Variants in LAT2 observed in about 807,000 individuals in gnomAD.
LAT2 encodes the protein linker for activation of T-cells family member 2.
A neutral mutation model predicts 43.4 loss-of-function variants in LAT2; 23 were observed. That is an observed-to-expected ratio of 0.53 (90% confidence interval 0.38 to 0.75). The LOEUF (loss-of-function observed/expected upper bound fraction) is 0.75. Among genes scored for constraint, LAT2 ranks in the 30% least tolerant of loss-of-function variants. The pLI is 0.00. For missense variants in LAT2, 284 were observed against 310.2 expected (o/e 0.92, Z 0.64); for synonymous variants, 128 against 123.2 (o/e 1.04, Z -0.26).
At chr7:74,212,650 C>A (rs985700583) in intron 1 of LAT2, among the ~76,000 whole-genome samples, 25 of 152,270 alleles carry the variant, frequency 1.6e-4, no homozygotes, top group African/African-American at 6.0e-4. Flanking sequence ...ATGAGCCCTC[C>A]TGCAAGACAA....
In LAT2 at chr7:74,224,790, G is replaced by A. The variant is rs1488765746; in HGVS notation, c.*18+30G>A. 2.7e-6 allele frequency: 4 copies of A among 1,460,012 alleles called. No homozygotes were observed. The South Asian group carries it at 4.0e-5, about 15-fold the overall frequency. 90.4% of individuals were successfully genotyped at this position (1,460,012 alleles called of 1,614,324 possible). A position where few individuals can be genotyped will look rare whatever the true frequency, so the allele number is the denominator to read the frequency against. Reference sequence around the variant, plus strand: ...AGCCCCTGCTCTCCAGCTGCCGTGGGCCAAGGATTGGAGGTCTTGCCAAGC... The same window carrying A: ...AGCCCCTGCTCTCCAGCTGCCGTGGACCAAGGATTGGAGGTCTTGCCAAGC... On this transcript the variant is annotated intron_variant, in intron 13 of 13. Transcript: ENST00000460943.
intron 13 of LAT2, among the ~76,000 whole-genome samples, chr7:74,226,742 G>A (rs965647597): frequency 6.6e-6 from 1 of 152,150 alleles, no homozygotes; most frequent in African/African-American, 2.4e-5. Flanking sequence ...ACAGGGAAGC[G>A]GGGCAGGAAG....
intron 13 of LAT2, among the ~76,000 whole-genome samples, chr7:74,227,058 T>TC (rs1199664532): frequency 2.7e-5 from 4 of 148,492 alleles, no homozygotes; most frequent in Non-Finnish European, 3.0e-5. Flanking sequence ...GTTTTTTCTT[T>TC]TTTTTTTTTT....
intron 11 of LAT2, 23 bp from the exon 12 acceptor site, chr7:74,223,995 G>A (rs1802388436): frequency 6.2e-7 from 1 of 1,609,812 alleles, no homozygotes; most frequent in African/African-American, 1.3e-5. Flanking sequence ...GAGCCAAGGG[G>A]GGCCTATTCT....
At position 74,215,944 on chromosome 7, in the gene LAT2, C is replaced by T. The variant is rs782674976; in HGVS notation, c.-29-3C>T. The T allele has an allele frequency of 2.5e-6, 4 of 1,604,768 alleles. No homozygotes were observed. Among genetic ancestry groups the T allele is most frequent in the South Asian group, 2.2e-5 (2 of 90,894 alleles). On this transcript the variant is annotated splice_region_variant and splice_polypyrimidine_tract_variant and intron_variant, in intron 2 of 13. Coordinates refer to ENST00000460943, the MANE Select transcript of LAT2 (RefSeq NM_032464.3). ...CCTTGCTCACGGGCACCTCCCATTT[C>T]AGCATCACAAGAGGCAACACCAGGA...
At chr7:74,218,607 A>G (rs1376009799) in intron 4 of LAT2, among the ~76,000 whole-genome samples, 1 of 152,230 alleles carries the variant, frequency 6.6e-6, no homozygotes, top group African/African-American at 2.4e-5. Context: ...TATTGGAAAT[A>G]TCAACAACCT....
intron 4 of LAT2, among the ~76,000 whole-genome samples, chr7:74,218,648 C>A (rs1160773239): frequency 6.6e-6 from 1 of 152,162 alleles, no homozygotes; most frequent in African/African-American, 2.4e-5. Flanking sequence ...AGAGCTTAAT[C>A]CATGGCCACA....
In LAT2 at chr7:74,220,468, A is replaced by G; in HGVS notation, c.266-116A>G. On this transcript the variant is annotated intron_variant, in intron 7 of 13. Coordinates refer to ENST00000460943, the MANE Select transcript of LAT2 (RefSeq NM_032464.3). This position sits in a 1 kb window ranked among gnomAD's most constrained non-coding sequence, Gnocchi z 4.5. ...CACATGCCCCACTGAGGGGACAGGGAGCACTGCAAAGGCTCAGACACGGGA... is the reference window on the plus strand; with the variant it reads ...CACATGCCCCACTGAGGGGACAGGGGGCACTGCAAAGGCTCAGACACGGGA... 2 of 1,375,766 alleles carry G rather than the reference A, an allele frequency of 1.5e-6. No individual in the cohort carries two copies. Among genetic ancestry groups the G allele is most frequent in the Non-Finnish European group, 2.0e-6 (2 of 976,506 alleles). The allele number at this position is 1,375,766 out of a possible 1,614,324, so 85.2% of individuals were successfully genotyped here. A position where few individuals can be genotyped will look rare whatever the true frequency, so the allele number is the denominator to read the frequency against.
rs953235448 is a variant in LAT2, at chr7:74,211,550, C to T, written c.-219+1462C>T. Among the ~76,000 whole-genome samples, 8 of 152,002 alleles carry T rather than the reference C, an allele frequency of 5.3e-5. No homozygotes were observed. The East Asian group carries it at 1.2e-3, about 22-fold the overall frequency. The stretch of plus-strand genomic sequence containing the variant: ...TTGGCTCACTGCAAGCTCCACCTCC[C>T]GGGTACATGCCATTCTCCTGCCTCA... On this transcript the variant is annotated intron_variant, in intron 1 of 13. Coordinates refer to ENST00000460943, the MANE Select transcript of LAT2 (RefSeq NM_032464.3).
At chr7:74,223,971 G>A in intron 11 of LAT2, 47 bp from the exon 12 acceptor site, 2 of 1,584,790 alleles carry the variant, frequency 1.3e-6, no homozygotes, top group Middle Eastern at 1.9e-4. Context: ...GGCTCCTGGT[G>A]CCTCTGTGGG....
chr7:74,218,830 G>A (rs1554714575), intron 4 of LAT2, among the ~76,000 whole-genome samples: 1 of 152,126 alleles, frequency 6.6e-6, no homozygotes, highest in African/African-American at 2.4e-5. Flanking sequence ...CCGAGTAGCT[G>A]GGATTACAGG....
At position 74,216,075 on chromosome 7, in the gene LAT2, CG is replaced by C; in HGVS notation, c.94+11del. The C allele has an allele frequency of 1.2e-6, 2 of 1,603,446 alleles. No individual in the cohort carries two copies. ...TGTGCGCTGCTCACGCCCAGGTAAG[CG>C]GGGGTCTCGGGGACGTGATGGGGAG... On this transcript the variant is annotated splice_region_variant and intron_variant, in intron 3 of 13. Transcript: ENST00000460943.
intron 2 of LAT2, 93 bp from the exon 3 acceptor site, chr7:74,215,854 A>C: frequency 2.3e-6 from 2 of 862,914 alleles, no homozygotes; most frequent in Non-Finnish European, 3.9e-6. Flanking sequence ...TCCGCAGCCT[A>C]GGCTCAGGTA....
chr7:74,219,797 C>T lies in LAT2; in HGVS notation c.178+10C>T. ...TCCCGGACCTACTCCTGTGAGTCTC[C>T]AAGTGTCCCCGGGTTGGGCTCTGGG... On this transcript the variant is annotated intron_variant, in intron 5 of 13. Coordinates refer to ENST00000460943, the MANE Select transcript of LAT2 (RefSeq NM_032464.3). 1 of 1,614,024 alleles carries T rather than the reference C, an allele frequency of 6.2e-7. No homozygotes were observed.
In LAT2 at chr7:74,214,724, TATAA is replaced by T. The variant is rs1554713952; in HGVS notation, c.-218-94_-218-91del. The T allele has an allele frequency of 6.0e-4, 63 of 105,562 alleles. 2 individuals are homozygous for T. Among genetic ancestry groups the T allele is most frequent in the African/African-American group, 2.5e-3 (61 of 24,346 alleles). The allele number at this position is 105,562 out of a possible 1,614,324, so 6.5% of individuals were successfully genotyped here. A position where few individuals can be genotyped will look rare whatever the true frequency, so the allele number is the denominator to read the frequency against. ...AAATATATATAAATATATATAAAAA[TATAA>T]ATATATATAAAAATATATAAATATA... On this transcript the variant is annotated intron_variant, in intron 1 of 13. Transcript: ENST00000460943.
intron 2 of LAT2, among the ~76,000 whole-genome samples, 198 bp from the exon 3 acceptor site, chr7:74,215,749 C>T (rs1281791453): frequency 1.3e-5 from 2 of 152,112 alleles, no homozygotes; most frequent in Non-Finnish European, 2.9e-5. Context: ...GTGAAGATGG[C>T]CCACAGGGCA....
intron 1 of LAT2, among the ~76,000 whole-genome samples, chr7:74,211,989 G>C (rs1801751152): frequency 6.6e-6 from 1 of 152,136 alleles, no homozygotes; most frequent in East Asian, 1.9e-4. Context: ...TGTCACCCAG[G>C]CTGGAGTTCA....
At chr7:74,212,709 G>C (rs1204638874) in intron 1 of LAT2, among the ~76,000 whole-genome samples, 2 of 152,242 alleles carry the variant, frequency 1.3e-5, no homozygotes, top group African/African-American at 4.8e-5. Context: ...ATGCTGGAGG[G>C]GTTGGGGGTA....
At chr7:74,219,938 C>G in intron 5 of LAT2, 22 bp from the exon 6 acceptor site, 1 of 1,613,376 alleles carries the variant, frequency 6.2e-7, no homozygotes. Flanking sequence ...CCAGCCAACA[C>G]CCCACTTCTT....
Sources: gnomAD v4.1 joint callset for allele counts (sites outside exome capture counted in the v4.1 genomes callset) on GRCh38, gnomAD v4.1.1 for gene constraint, Gnocchi (gnomAD v3.1) non-coding constraint, MANE v1.5 for transcripts, NCBI Gene and HGNC (gene_info 2026-07-23, HGNC 2026-07-21) for gene names.